NRL: variants seen among roughly 807,000 people sequenced by gnomAD.
The protein encoded by NRL is neural retina leucine zipper, also known as neural retina-specific leucine zipper protein.
In NRL, 16 loss-of-function variants were observed where a neutral mutation model predicts 12.5. The observed-to-expected ratio is 1.28, with a 90% CI of 0.87 to 1.95. NRL has a LOEUF of 1.95. Among genes scored for constraint, NRL ranks in the 30% most tolerant of loss-of-function variants. The probability of loss-of-function intolerance (pLI) is 0.00; values close to 1 mark genes in which losing one functional copy is unlikely to be tolerated. For synonymous variants in NRL, 142 were observed against 150.9 expected (o/e 0.94, Z 0.43); for missense variants, 314 against 325.8 (o/e 0.96, Z 0.28).
chr14:24,084,702 C>T (rs1594254921), intron 1 of NRL: 1 of 985,380 alleles, frequency 1.0e-6, no homozygotes, highest in Non-Finnish European at 1.2e-6. Flanking sequence ...GTCCTGAGGC[C>T]TCCAACCAAT....
chr14:24,100,619 C>A (rs1412012224), intron 1 of NRL: 1 of 1,036,700 alleles, frequency 9.6e-7, no homozygotes, highest in Non-Finnish European at 1.2e-6. Flanking sequence ...AACATTCTTA[C>A]AGAAGGTATT....
At chr14:24,086,963 A>T (rs2036481143) in intron 1 of NRL, among the ~76,000 whole-genome samples, 1 of 152,218 alleles carries the variant, frequency 6.6e-6, no homozygotes. Flanking sequence ...CAGAAAGCAG[A>T]GCCCATCTCC....
chr14:24,097,159 C>T, intron 1 of NRL: 1 of 1,610,576 alleles, frequency 6.2e-7, no homozygotes. Flanking sequence ...GCTCCACAAC[C>T]TGCAGGATAG....
chr14:24,102,836 GC>G (rs1431076814), intron 1 of NRL: 1 of 1,613,928 alleles, frequency 6.2e-7, no homozygotes, highest in South Asian at 1.1e-5. Flanking sequence ...AGCCTGGGAG[GC>G]CCCAGAGGGT....
At position 24,114,853 on chromosome 14, in the gene NRL, G is replaced by C. The variant is rs1341146558; in HGVS notation, c.-159C>G. 1.0e-6 allele frequency: 1 copy of C among 985,846 alleles called. No homozygotes were observed. Among genetic ancestry groups the C allele is most frequent in the Non-Finnish European group, 1.2e-6 (1 of 829,972 alleles). The allele number at this position is 985,846 out of a possible 1,614,324, so 61.1% of individuals were successfully genotyped here. A position where few individuals can be genotyped will look rare whatever the true frequency, so the allele number is the denominator to read the frequency against. ...GAAGCGCGTGACGGAGGAGCGGTTG[G>C]CCAACGCAGTGGCGGCAGTCGGTGT... On this transcript the variant is annotated 5_prime_UTR_variant, in exon 1 of 3. Transcript: ENST00000561028.
At chr14:24,089,165 G>A (rs2036547730) in intron 1 of NRL, among the ~76,000 whole-genome samples, 1 of 151,836 alleles carries the variant, frequency 6.6e-6, no homozygotes, top group Non-Finnish European at 1.5e-5. Context: ...TTGAACTCCT[G>A]ACCTCAAATG....
intron 1 of NRL, among the ~76,000 whole-genome samples, chr14:24,109,387 T>G (rs979919228): frequency 2.0e-5 from 3 of 152,170 alleles, no homozygotes; most frequent in African/African-American, 4.8e-5. Context: ...ATAATCAAGT[T>G]CATAGGCTTA....
intron 1 of NRL, chr14:24,103,200 G>GGTGTTT: frequency 6.2e-7 from 1 of 1,614,126 alleles, no homozygotes; most frequent in Non-Finnish European, 8.5e-7. Flanking sequence ...GGCGTCATGG[G>GGTGTTT]GTGTTTGTGG....
rs1171807876 is a variant in NRL at position 24,090,275 on chromosome 14, G to T, written c.-27-7400C>A. 1.1e-3 allele frequency among the ~76,000 whole-genome samples: 144 copies of T among 127,004 alleles called. 5 individuals are homozygous for T. The highest frequency in any genetic ancestry group is 1.8e-4 in the Non-Finnish European group (11 of 60,140). 83.3% of individuals were successfully genotyped at this position (127,004 alleles called of 152,430 possible). On this transcript the variant is annotated intron_variant, in intron 1 of 2. Coordinates refer to ENST00000561028, the MANE Select transcript of NRL (RefSeq NM_001354768.3). ...TGCAGGTGGTTTACTCGGGGGGGGGGGGGGGGCACGGGGGGGGACTTTCAA... is the reference window on the plus strand; with the variant it reads ...TGCAGGTGGTTTACTCGGGGGGGGGTGGGGGGCACGGGGGGGGACTTTCAA...
At chr14:24,100,705 C>T (rs1483893357) in intron 1 of NRL, 4 of 298,484 alleles carry the variant, frequency 1.3e-5, no homozygotes, top group African/African-American at 2.3e-5. Context: ...CAACTCTCCT[C>T]CTGCCACTTG....
intron 1 of NRL, among the ~76,000 whole-genome samples, chr14:24,107,159 A>G (rs1345283061): frequency 6.6e-6 from 1 of 152,296 alleles, no homozygotes; most frequent in Non-Finnish European, 1.5e-5. Flanking sequence ...CCCTCCAGCT[A>G]AGAGGCAGGG....
Position 24,086,253 on chromosome 14 carries a change from G to A in NRL, c.-27-3378C>T, listed in dbSNP as rs555353852. Among the ~76,000 whole-genome samples the A allele has an allele frequency of 1.4e-3, 209 of 152,250 alleles. 1 individual carries two copies. The highest frequency in any genetic ancestry group is 2.0e-3 in the Non-Finnish European group (133 of 68,018). On this transcript the variant is annotated intron_variant, in intron 1 of 2. Coordinates refer to ENST00000561028, the MANE Select transcript of NRL (RefSeq NM_001354768.3). Reference sequence around the variant, plus strand: ...AGAAAAGAAAGAAAGTTTGAGAACTGCACAGAATGCCTGCAGTCTACCCAG... The same window carrying A: ...AGAAAAGAAAGAAAGTTTGAGAACTACACAGAATGCCTGCAGTCTACCCAG...
At position 24,080,815 on chromosome 14, in the gene NRL, CT is replaced by C. The variant is rs1376990172; in HGVS notation, c.*420del. Reference sequence around the variant, plus strand: ...AGTGCTAAAATGGGGAGGTTACAAGCTTCAGAATGAAAATACAGCCTCATTG... The same window carrying C: ...AGTGCTAAAATGGGGAGGTTACAAGCTCAGAATGAAAATACAGCCTCATTG... On this transcript the variant is annotated 3_prime_UTR_variant, in exon 3 of 3. Transcript: ENST00000561028. 1 of 164,110 alleles carries C rather than the reference CT, an allele frequency of 6.1e-6. No individual in the cohort carries two copies. The highest frequency in any genetic ancestry group is 2.4e-5 in the African/African-American group (1 of 42,010). The allele number at this position is 164,110 out of a possible 1,614,324, so 10.2% of individuals were successfully genotyped here.
In NRL at chr14:24,103,885, C is replaced by A. The variant is rs549471476; in HGVS notation, c.-28+10837G>T. 40 of 1,614,114 alleles carry A rather than the reference C, an allele frequency of 2.5e-5. No individual in the cohort carries two copies. The South Asian group carries it at 4.2e-4, about 17-fold the overall frequency. ...GTTCGTGACATTCGGAGCTACCTGA[C>A]AGAGCAGGTCAACCAGGATCTGCCC... On this transcript the variant is annotated intron_variant, in intron 1 of 2. Transcript: ENST00000561028.
chr14:24,081,147 C>G lies in NRL; in HGVS notation c.*89G>C. 2.1e-6 allele frequency: 2 copies of G among 958,192 alleles called. No individual in the cohort carries two copies. The highest frequency in any genetic ancestry group is 1.4e-6 in the Non-Finnish European group (1 of 721,716). The allele number at this position is 958,192 out of a possible 1,614,324, so 59.4% of individuals were successfully genotyped here. ...GGCGTGGCTAGGACCAGAAGGCGCTCTGGTAACGATGCAGAGAACCGTGCA... is the reference window on the plus strand; with the variant it reads ...GGCGTGGCTAGGACCAGAAGGCGCTGTGGTAACGATGCAGAGAACCGTGCA... On this transcript the variant is annotated 3_prime_UTR_variant, in exon 3 of 3. Coordinates refer to ENST00000561028, the MANE Select transcript of NRL (RefSeq NM_001354768.3). The surrounding 1 kb of genome is among the most constrained non-coding windows in gnomAD (Gnocchi z 4.4).
chr14:24,099,972 C>T lies in NRL; in HGVS notation c.-28+14750G>A, dbSNP rs549863886. On this transcript the variant is annotated intron_variant, in intron 1 of 2. Transcript: ENST00000561028. ...TCAAGTTTTCCTTGTTTGGTCCTTCCTTTCTTTCACTTCTCCTAACAGGTC... is the reference window on the plus strand; with the variant it reads ...TCAAGTTTTCCTTGTTTGGTCCTTCTTTTCTTTCACTTCTCCTAACAGGTC... 1.2e-5 allele frequency: 19 copies of T among 1,614,160 alleles called. No homozygotes were observed. The East Asian group carries it at 3.8e-4, about 32-fold the overall frequency.
chr14:24,094,717 G>C lies in NRL; in HGVS notation c.-27-11842C>G. The C allele has an allele frequency of 6.7e-7, 1 of 1,500,664 alleles. No individual in the cohort carries two copies. Among genetic ancestry groups the C allele is most frequent in the Non-Finnish European group, 8.9e-7 (1 of 1,124,790 alleles). The allele number at this position is 1,500,664 out of a possible 1,614,324, so 93.0% of individuals were successfully genotyped here. ...CTCTCAGAACTTCCTCTCTCTCCTC[G>C]CTCCTCTCTGCTGAGCCAGGTCTCC... On this transcript the variant is annotated intron_variant, in intron 1 of 2. Coordinates refer to ENST00000561028, the MANE Select transcript of NRL (RefSeq NM_001354768.3). The surrounding 1 kb of genome is among the most constrained non-coding windows in gnomAD (Gnocchi z 4.1).
chr14:24,098,549 A>G (rs1325907538), intron 1 of NRL: 1 of 1,614,178 alleles, frequency 6.2e-7, no homozygotes, highest in African/African-American at 1.3e-5. Flanking sequence ...GGTGCAGCTC[A>G]CTGACTCAGC....
chr14:24,097,226 C>A, intron 1 of NRL: 2 of 1,201,744 alleles, frequency 1.7e-6, no homozygotes, highest in Non-Finnish European at 2.4e-6. Context: ...TAGAACATCC[C>A]AATGGAATGA....
Sources: gnomAD v4.1 joint callset for allele counts (sites outside exome capture counted in the v4.1 genomes callset) on GRCh38, gnomAD v4.1.1 for gene constraint, Gnocchi (gnomAD v3.1) non-coding constraint, MANE v1.5 for transcripts, NCBI Gene and HGNC (gene_info 2026-07-23, HGNC 2026-07-21) for gene names.